The following HMX1 variants were observed in gnomAD, a reference collection of about 807,000 sequenced individuals.
HMX1 encodes the protein H6 family homeobox 1.
Under a neutral mutation model 8.9 loss-of-function variants are expected in HMX1, and 8 were observed. The observed-to-expected ratio is 0.90, with a 90% CI of 0.53 to 1.63. HMX1 has a LOEUF of 1.63. Among genes scored for constraint, HMX1 ranks in the 40% most tolerant of loss-of-function variants. The probability of loss-of-function intolerance (pLI) is 0.00; values close to 1 mark genes in which losing one functional copy is unlikely to be tolerated. For missense variants in HMX1, 621 were observed against 558.5 expected, an observed-to-expected ratio of 1.11 and a Z score of -1.13; for synonymous variants, 311 against 283.4, an observed-to-expected ratio of 1.10 and a Z score of -0.98.
chr4:8,863,620 G>A (rs1369816792), downstream of HMX1, among the ~76,000 whole-genome samples: 3 of 150,442 alleles, frequency 2.0e-5, no homozygotes. Flanking sequence ...AGGCCAAGCT[G>A]GGTGGAGCGC....
intron 1 of HMX1, among the ~76,000 whole-genome samples, chr4:8,861,459 C>T (rs1052266655): frequency 3.9e-5 from 6 of 152,110 alleles, no homozygotes; most frequent in Admixed American, 3.3e-4. Flanking sequence ...GAATCACGCT[C>T]GGGAAAGGGG....
At chr4:8,862,169 A>G (rs953805796), downstream of HMX1, among the ~76,000 whole-genome samples, 1 of 152,280 alleles carries the variant, frequency 6.6e-6, no homozygotes, top group Admixed American at 6.5e-5. Context: ...GGAAGGGTTA[A>G]GACTGAAATC....
Position 8,853,986 on chromosome 4 carries a change from G to A in HMX1, c.395-7662C>T, listed in dbSNP as rs752752423. On this transcript the variant is annotated intron_variant, in intron 1 of 1. Coordinates refer to the HMX1 transcript ENST00000506970. The surrounding 1 kb of genome is among the most constrained non-coding windows in gnomAD (Gnocchi z 4.7). Reference sequence around the variant, plus strand: ...TTTACATCTTGAACCAGCCTGAGAGGAAGTGTGTGCCCTGAGCCGACCCAT... The same window carrying A: ...TTTACATCTTGAACCAGCCTGAGAGAAAGTGTGTGCCCTGAGCCGACCCAT... 7.9e-5 allele frequency among the ~76,000 whole-genome samples: 12 copies of A among 152,200 alleles called. No individual in the cohort carries two copies. The highest frequency in any genetic ancestry group is 1.3e-4 in the Non-Finnish European group (9 of 68,036).
downstream of HMX1, among the ~76,000 whole-genome samples, chr4:8,865,650 G>C (rs1259649013): frequency 6.6e-6 from 1 of 152,174 alleles, no homozygotes; most frequent in African/African-American, 2.4e-5. Context: ...AGGGCCCAGT[G>C]GGGAGAGGGG....
At chr4:8,862,018 C>T (rs1320896340) in intron 1 of HMX1, among the ~76,000 whole-genome samples, 1 of 152,218 alleles carries the variant, frequency 6.6e-6, no homozygotes, top group Admixed American at 6.5e-5. Context: ...GTCCGTCCTC[C>T]CTGATATGTC....
chr4:8,871,168 G>A lies in HMX1; in HGVS notation c.394+53C>T. 2 of 1,336,494 alleles carry A rather than the reference G, an allele frequency of 1.5e-6. No individual in the cohort carries two copies. Among genetic ancestry groups the A allele is most frequent in the East Asian group, 3.4e-5 (1 of 29,194 alleles). 82.8% of individuals were successfully genotyped at this position (1,336,494 alleles called of 1,614,324 possible). A position where few individuals can be genotyped will look rare whatever the true frequency, so the allele number is the denominator to read the frequency against. ...CCCGAAGTCCCCCAGCAAATGCGCA[G>A]GGAGGAAGTCGGGCCCCACCGCCTG... is the stretch of plus-strand genomic sequence containing the variant. On this transcript the variant is annotated intron_variant, in intron 1 of 1. Transcript: ENST00000400677. The surrounding 1 kb of genome is among the most constrained non-coding windows in gnomAD (Gnocchi z 4.8).
chr4:8,851,266 T>A (rs1721441623), intron 1 of HMX1, among the ~76,000 whole-genome samples: 1 of 152,194 alleles, frequency 6.6e-6, no homozygotes. Flanking sequence ...GGCCTACGAA[T>A]GGCCCCCACT....
At position 8,847,556 on chromosome 4, in the gene HMX1, C is replaced by T. The variant is rs897307596; in HGVS notation, c.395-1232G>A. On this transcript the variant is annotated intron_variant, in intron 1 of 1. Transcript: ENST00000506970. This position sits in a 1 kb window ranked among gnomAD's most constrained non-coding sequence, Gnocchi z 6.0. ...AGAGCAGGCGGACCTGAAGGAACAT[C>T]GGCCAGACACTGGACACGTGCAAAC... 1.8e-4 allele frequency among the ~76,000 whole-genome samples: 28 copies of T among 152,328 alleles called. No individual in the cohort carries two copies. The highest frequency in any genetic ancestry group is 6.3e-4 in the African/African-American group (26 of 41,580).
rs887325808 is a variant in HMX1 at position 8,870,774 on chromosome 4, G to T, written c.394+447C>A. ...CTCTTTTCTCTCTCGGATCACTCTT[G>T]GGTTTCTTTTTCCTGCATCTTCCCC... On this transcript the variant is annotated intron_variant, in intron 1 of 1. Transcript: ENST00000400677. The surrounding 1 kb of genome is among the most constrained non-coding windows in gnomAD (Gnocchi z 4.4). Among the ~76,000 whole-genome samples, 1 of 150,978 alleles carries T rather than the reference G, an allele frequency of 6.6e-6. No homozygotes were observed. The highest frequency in any genetic ancestry group is 1.5e-5 in the Non-Finnish European group (1 of 67,910).
At position 8,867,325 on chromosome 4, in the gene HMX1, G is replaced by A. The variant is rs568245828; in HGVS notation, c.*368C>T. The A allele has an allele frequency of 4.8e-5, 48 of 997,654 alleles. No individual in the cohort carries two copies. In the East Asian group the frequency reaches 4.4e-3, roughly 92 times the overall value. 61.8% of individuals were successfully genotyped at this position (997,654 alleles called of 1,614,324 possible). ...CCGCTCAGCCTTGGACAGCCGGTTC[G>A]TAGTTTTCCTTTGTTGCGCTGGGCT... On this transcript the variant is annotated 3_prime_UTR_variant, in exon 2 of 2. Coordinates refer to ENST00000400677, the MANE Select transcript of HMX1 (RefSeq NM_018942.3).
chr4:8,865,381 G>C (rs142125974), downstream of HMX1, among the ~76,000 whole-genome samples: 1 of 152,158 alleles, frequency 6.6e-6, no homozygotes, highest in Non-Finnish European at 1.5e-5. Flanking sequence ...GCCAGTCTGA[G>C]TAGCATCGCC....
At chr4:8,864,405 C>G (rs946836714), downstream of HMX1, among the ~76,000 whole-genome samples, 9 of 151,808 alleles carry the variant, frequency 5.9e-5, no homozygotes, top group Non-Finnish European at 1.3e-4. Flanking sequence ...GACTCAGGTG[C>G]GGAGAGGGTG....
chr4:8,871,342 C>G lies in HMX1; in HGVS notation c.273G>C (p.Ala91=). ...GGGGCGGCCGAGGACCGAGGCCCAG[C>G]GCGCCCGGCCCGAGCAGCGCACGGG... is the stretch of plus-strand genomic sequence containing the variant. ...ARARALLGPG[A]LGLGPRPPPG... is the part of the protein sequence containing the mutation. Residue 91 remains alanine, a synonymous_variant, in exon 1 of 2, where the codon GCG becomes GCC. Transcript: ENST00000400677. The surrounding 1 kb of genome is among the most constrained non-coding windows in gnomAD (Gnocchi z 4.8). 7.8e-7 allele frequency: 1 copy of G among 1,275,714 alleles called. No individual in the cohort carries two copies. Among genetic ancestry groups the G allele is most frequent in the Non-Finnish European group, 9.9e-7 (1 of 1,013,952 alleles). The allele number at this position is 1,275,714 out of a possible 1,614,324, so 79.0% of individuals were successfully genotyped here.
At chr4:8,852,323 T>C (rs886870905) in intron 1 of HMX1, among the ~76,000 whole-genome samples, 3 of 152,232 alleles carry the variant, frequency 2.0e-5, no homozygotes, top group Non-Finnish European at 4.4e-5. Context: ...CCTCACGCCC[T>C]GCATCTGCTC....
At chr4:8,852,991 A>C (rs1057247780) in intron 1 of HMX1, among the ~76,000 whole-genome samples, 59 of 152,140 alleles carry the variant, frequency 3.9e-4, no homozygotes, top group African/African-American at 1.3e-3. Flanking sequence ...GATGGCCAAA[A>C]AAAAAAAAGC....
intron 1 of HMX1, among the ~76,000 whole-genome samples, chr4:8,850,804 G>T (rs1028878273): frequency 6.6e-6 from 1 of 152,136 alleles, no homozygotes; most frequent in Non-Finnish European, 1.5e-5. Context: ...GTCTGGATCC[G>T]GCATCTCTCC....
intron 1 of HMX1, among the ~76,000 whole-genome samples, chr4:8,856,665 A>T (rs1455630634): frequency 6.6e-6 from 1 of 152,192 alleles, no homozygotes; most frequent in African/African-American, 2.4e-5. Context: ...CCCTAAGTAC[A>T]TTCACTTCCC....
At chr4:8,857,249 C>A (rs929044905) in intron 1 of HMX1, among the ~76,000 whole-genome samples, 1 of 152,204 alleles carries the variant, frequency 6.6e-6, no homozygotes, top group East Asian at 1.9e-4. Flanking sequence ...GGTTGGACGC[C>A]GTCCCCACTT....
intron 1 of HMX1, among the ~76,000 whole-genome samples, chr4:8,857,533 T>C (rs1475080897): frequency 1.3e-5 from 2 of 152,114 alleles, no homozygotes; most frequent in Non-Finnish European, 2.9e-5. Context: ...CTCTCGGAAG[T>C]GACGGCTGAC....
Sources: gnomAD v4.1 joint callset for allele counts (sites outside exome capture counted in the v4.1 genomes callset) on GRCh38, gnomAD v4.1.1 for gene constraint, Gnocchi (gnomAD v3.1) non-coding constraint, MANE v1.5 for transcripts, NCBI Gene and HGNC (gene_info 2026-07-23, HGNC 2026-07-21) for gene names.